Variants in PHTF1 observed in about 807,000 individuals in gnomAD.
The protein encoded by PHTF1 is protein PHTF1.
A neutral mutation model predicts 102.4 loss-of-function variants in PHTF1; 88 were observed. The observed-to-expected ratio is 0.86, with a 90% CI of 0.72 to 1.03. The LOEUF (loss-of-function observed/expected upper bound fraction) is 1.03. Among genes scored for constraint, PHTF1 ranks in the 50% least tolerant of loss-of-function variants. PHTF1 has a pLI of 0.00. For synonymous variants in PHTF1, 289 were observed against 305.2 expected (o/e 0.95, Z 0.55); for missense variants, 814 against 909.5 (o/e 0.89, Z 1.35).
chr1:113,758,196 C>T (rs1425114122), intron 2 of PHTF1, among the ~76,000 whole-genome samples: 1 of 143,906 alleles, frequency 6.9e-6, no homozygotes, highest in Non-Finnish European at 1.5e-5. Flanking sequence ...GCGCCATCGC[C>T]CTCCAGCCTG....
At chr1:113,721,640 G>A (rs1264888920) in intron 7 of PHTF1, among the ~76,000 whole-genome samples, 1 of 152,160 alleles carries the variant, frequency 6.6e-6, no homozygotes, top group African/African-American at 2.4e-5. Flanking sequence ...TATCAGAACT[G>A]ATAAACAAAT....
intron 3 of PHTF1, among the ~76,000 whole-genome samples, chr1:113,752,686 C>T (rs1658280937): frequency 6.6e-6 from 1 of 152,010 alleles, no homozygotes; most frequent in African/African-American, 2.4e-5. Context: ...GCCCAGCCTA[C>T]TGTCATTTTT....
intron 15 of PHTF1, among the ~76,000 whole-genome samples, chr1:113,703,010 G>A (rs1649619058): frequency 6.6e-6 from 1 of 152,124 alleles, no homozygotes; most frequent in African/African-American, 2.4e-5. Context: ...CAAAAAGATG[G>A]ATAACAAAGC....
chr1:113,708,317 G>C (rs1650517658), intron 11 of PHTF1, among the ~76,000 whole-genome samples: 1 of 152,112 alleles, frequency 6.6e-6, no homozygotes, highest in Non-Finnish European at 1.5e-5. Context: ...AAGAACATAA[G>C]CGACTAAGGG....
rs1381730438 is a variant in PHTF1 at position 113,759,026 on chromosome 1, G to C, written c.-34C>G. On this transcript the variant is annotated 5_prime_UTR_variant, in exon 1 of 19. Coordinates refer to ENST00000369604, the MANE Select transcript of PHTF1 (RefSeq NM_001323043.2). ...CTCGCCCGCGTCCGGCTCTCACCTA[G>C]TGCCCGTTGCCCCGCGGGCCGGCGC... is the stretch of plus-strand genomic sequence containing the variant. 1 of 1,038,996 alleles carries C rather than the reference G, an allele frequency of 9.6e-7. No individual in the cohort carries two copies. The highest frequency in any genetic ancestry group is 8.3e-5 in the East Asian group (1 of 12,034). 64.4% of individuals were successfully genotyped at this position (1,038,996 alleles called of 1,614,324 possible).
chr1:113,753,530 C>T (rs866075547), intron 3 of PHTF1, among the ~76,000 whole-genome samples: 3 of 151,982 alleles, frequency 2.0e-5, no homozygotes, highest in Admixed American at 6.6e-5. Flanking sequence ...CACACTCAAA[C>T]GATTCTCCTG....
chr1:113,745,228 T>C (rs946527432), intron 3 of PHTF1, among the ~76,000 whole-genome samples: 1 of 152,138 alleles, frequency 6.6e-6, no homozygotes, highest in Non-Finnish European at 1.5e-5. Flanking sequence ...ATAACCATGC[T>C]AGGAGTATGA....
chr1:113,749,498 C>A (rs980007757), intron 3 of PHTF1: 2 of 152,222 alleles, frequency 1.3e-5, no homozygotes, highest in African/African-American at 4.8e-5. Flanking sequence ...ATTAGTGCAG[C>A]ATCTCACCAG....
At chr1:113,741,630 T>G (rs1181053291) in intron 3 of PHTF1, among the ~76,000 whole-genome samples, 1 of 152,146 alleles carries the variant, frequency 6.6e-6, no homozygotes, top group Non-Finnish European at 1.5e-5. Context: ...TAACTAGAGG[T>G]AAAATTATCC....
chr1:113,755,251 A>T (rs1433147736), intron 3 of PHTF1, among the ~76,000 whole-genome samples: 1 of 151,636 alleles, frequency 6.6e-6, no homozygotes, highest in Non-Finnish European at 1.5e-5. Flanking sequence ...TTTAGCATTA[A>T]TTTTTTTGTA....
intron 5 of PHTF1, among the ~76,000 whole-genome samples, chr1:113,735,365 C>CAAAAAAAAA (rs749964684): frequency 7.0e-5 from 2 of 28,448 alleles, no homozygotes; most frequent in Non-Finnish European, 5.9e-5. Flanking sequence ...GACTCTGTCT[C>CAAAAAAAAA]AAAAAAAAAA....
intron 5 of PHTF1, among the ~76,000 whole-genome samples, chr1:113,729,803 G>A (rs1040029725): frequency 6.6e-6 from 1 of 152,160 alleles, no homozygotes; most frequent in African/African-American, 2.4e-5. Flanking sequence ...AAGGGTGATG[G>A]AGACTGCATT....
In PHTF1 at chr1:113,726,483, G is replaced by A; in HGVS notation, c.423C>T (p.Val141=). The A allele has an allele frequency of 6.2e-7, 1 of 1,610,964 alleles. No individual in the cohort carries two copies. The highest frequency in any genetic ancestry group is 8.5e-7 in the Non-Finnish European group (1 of 1,177,920). ...TCTGAGTAGACACAATTTGACAGTG[G>A]ACAGTTCCCATGAGTAGCATAAGGC... ...PLCLMLLMGT[V]HCQIVSTQIT... Residue 141 remains valine, a synonymous_variant, in exon 6 of 19, where the codon GTC becomes GTT. Coordinates refer to ENST00000369604, the MANE Select transcript of PHTF1 (RefSeq NM_001323043.2).
chr1:113,697,529 C>T lies in PHTF1; in HGVS notation c.*176G>A, dbSNP rs1648927903. 1.8e-6 allele frequency: 1 copy of T among 562,986 alleles called. No homozygotes were observed. Among genetic ancestry groups the T allele is most frequent in the African/African-American group, 1.9e-5 (1 of 51,676 alleles). The allele number at this position is 562,986 out of a possible 1,614,324, so 34.9% of individuals were successfully genotyped here. A position where few individuals can be genotyped will look rare whatever the true frequency, so the allele number is the denominator to read the frequency against. On this transcript the variant is annotated 3_prime_UTR_variant, in exon 19 of 19. Coordinates refer to ENST00000369604, the MANE Select transcript of PHTF1 (RefSeq NM_001323043.2). ...AAAATACAGGTTTTTAGCATGCACA[C>T]CCAGTTGGAAAAGGACTTGCTCCTC... is the stretch of plus-strand genomic sequence containing the variant.
At chr1:113,716,009 T>G (rs947984854) in intron 7 of PHTF1, among the ~76,000 whole-genome samples, 40 of 152,130 alleles carry the variant, frequency 2.6e-4, no homozygotes, top group Non-Finnish European at 4.1e-4. Context: ...TTACTGACCT[T>G]AAAGAGGCGG....
intron 7 of PHTF1, among the ~76,000 whole-genome samples, chr1:113,722,927 T>A (rs1032176332): frequency 7.5e-6 from 1 of 134,218 alleles, no homozygotes; most frequent in Non-Finnish European, 1.6e-5. Flanking sequence ...CTCAAATAAA[T>A]AAATAAATAA....
intron 15 of PHTF1, among the ~76,000 whole-genome samples, chr1:113,701,165 G>C (rs183628980): frequency 6.6e-6 from 1 of 152,302 alleles, no homozygotes; most frequent in Non-Finnish European, 1.5e-5. Flanking sequence ...GGGTCTAGAA[G>C]TAACAAAGAA....
chr1:113,723,628 A>C (rs1653352236), intron 7 of PHTF1, among the ~76,000 whole-genome samples: 1 of 152,226 alleles, frequency 6.6e-6, no homozygotes, highest in South Asian at 2.1e-4. Flanking sequence ...AATCAAATAA[A>C]AGTTAATTAA....
Position 113,696,871 on chromosome 1 carries a change from CA to C in PHTF1, c.*833del, listed in dbSNP as rs1318580771. The C allele has an allele frequency of 6.6e-6, 1 of 152,086 alleles. No homozygotes were observed. The highest frequency in any genetic ancestry group is 2.4e-5 in the African/African-American group (1 of 41,410). 9.4% of individuals were successfully genotyped at this position (152,086 alleles called of 1,614,324 possible). A position where few individuals can be genotyped will look rare whatever the true frequency, so the allele number is the denominator to read the frequency against. On this transcript the variant is annotated 3_prime_UTR_variant, in exon 19 of 19. Coordinates refer to ENST00000369604, the MANE Select transcript of PHTF1 (RefSeq NM_001323043.2). ...GGAGGGTTTAATACATTAAGTTGCA[CA>C]ACTGATAAACTATCAATGATGCTTG...
Sources: gnomAD v4.1 joint callset for allele counts (sites outside exome capture counted in the v4.1 genomes callset) on GRCh38, gnomAD v4.1.1 for gene constraint, MANE v1.5 for transcripts, NCBI Gene and HGNC (gene_info 2026-07-23, HGNC 2026-07-21) for gene names.